DMTN: variants seen among roughly 807,000 people sequenced by gnomAD.
DMTN encodes dematin.
DMTN carries 27 observed loss-of-function variants against 59.4 expected under a neutral mutation model. That is an observed-to-expected ratio of 0.45 (90% CI 0.33 to 0.63). The LOEUF (loss-of-function observed/expected upper bound fraction) is 0.63. Among genes scored for constraint, DMTN ranks in the 20% least tolerant of loss-of-function variants. The pLI is 0.02. For missense variants in DMTN, 451 were observed against 528.9 expected (o/e 0.85, Z 1.45); for synonymous variants, 221 against 203.7 (o/e 1.08, Z -0.72).
chr8:22,067,704 A>G, intron 4 of DMTN, 22 bp downstream of exon 4: 1 of 1,610,408 alleles, frequency 6.2e-7, no homozygotes, highest in Admixed American at 1.7e-5. Context: ...CCTCTTGGGC[A>G]GGACTCCGGG....
chr8:22,081,319 C>A, intron 15 of DMTN, 31 bp from the exon 16 acceptor site: 1 of 1,606,610 alleles, frequency 6.2e-7, no homozygotes, highest in Non-Finnish European at 8.5e-7. Flanking sequence ...CCTCCCCCTC[C>A]ATGCTGAGCT....
chr8:22,078,934 C>CT (rs1389185635), intron 10 of DMTN, among the ~76,000 whole-genome samples: 1 of 150,150 alleles, frequency 6.7e-6, no homozygotes, highest in African/African-American at 2.4e-5. Flanking sequence ...GTAGCTGGGA[C>CT]TACAGGTGCC....
rs1189092174 is a variant in DMTN at position 22,081,869 on chromosome 8, T to C, written c.*406T>C. Reference sequence around the variant, plus strand: ...AGGCAGAAAGAGCTCCAGGCTCTTGTGTCGCCCACCCAGCCCTCCCATACT... The same window carrying C: ...AGGCAGAAAGAGCTCCAGGCTCTTGCGTCGCCCACCCAGCCCTCCCATACT... On this transcript the variant is annotated 3_prime_UTR_variant, in exon 16 of 16. Transcript: ENST00000358242. 2.4e-5 allele frequency: 11 copies of C among 462,386 alleles called. No homozygotes were observed. In the Middle Eastern group the frequency reaches 9.6e-4, roughly 40 times the overall value. 28.6% of individuals were successfully genotyped at this position (462,386 alleles called of 1,614,324 possible).
intron 7 of DMTN, 99 bp downstream of exon 7, chr8:22,070,036 C>T (rs1482894500): frequency 7.7e-6 from 12 of 1,562,196 alleles, no homozygotes; most frequent in Non-Finnish European, 1.1e-5. Context: ...GGGAGGATAG[C>T]ATGTCACAGC....
Position 22,060,783 on chromosome 8 carries a change from A to G in DMTN, c.-172+3647A>G, listed in dbSNP as rs1202754482. 6.6e-6 allele frequency among the ~76,000 whole-genome samples: 1 copy of G among 152,262 alleles called. No individual in the cohort carries two copies. The highest frequency in any genetic ancestry group is 1.5e-5 in the Non-Finnish European group (1 of 68,046). ...AGCAGAGGTGAGAGGCCAGAGGCTTAGTGACTCACACCAGCTTTGCCTGGG... is the reference window on the plus strand; with the variant it reads ...AGCAGAGGTGAGAGGCCAGAGGCTTGGTGACTCACACCAGCTTTGCCTGGG... On this transcript the variant is annotated intron_variant, in intron 1 of 15. Coordinates refer to ENST00000358242, the MANE Select transcript of DMTN (RefSeq NM_001387751.1). The surrounding 1 kb of genome is among the most constrained non-coding windows in gnomAD (Gnocchi z 5.0).
chr8:22,079,770 T>A (rs532025082), intron 10 of DMTN, among the ~76,000 whole-genome samples: 18 of 148,116 alleles, frequency 1.2e-4, no homozygotes, highest in East Asian at 1.2e-3. Context: ...AAAAAAAAAA[T>A]TTTTTTTTTT....
upstream of DMTN, among the ~76,000 whole-genome samples, chr8:22,050,977 C>A (rs1801294610): frequency 6.6e-6 from 1 of 152,196 alleles, no homozygotes; most frequent in Admixed American, 6.5e-5. Flanking sequence ...CTAATGATGG[C>A]ACTTCAGAGG....
intron 8 of DMTN, 53 bp downstream of exon 8, chr8:22,070,387 C>A (rs1814382304): frequency 6.5e-7 from 1 of 1,535,550 alleles, no homozygotes; most frequent in African/African-American, 1.4e-5. Context: ...CCTGCACTCC[C>A]TCCCCTTGGC....
chr8:22,071,260 C>A (rs112492786), intron 8 of DMTN, among the ~76,000 whole-genome samples: 1,743 of 152,060 alleles, frequency 0.011, 12 homozygotes, highest in Non-Finnish European at 0.013. Flanking sequence ...CCACACCTGG[C>A]TAATTTTTTG....
At chr8:22,072,802 A>G (rs1816760145) in intron 9 of DMTN, among the ~76,000 whole-genome samples, 3 of 152,048 alleles carry the variant, frequency 2.0e-5, no homozygotes, top group African/African-American at 4.8e-5. Context: ...TGGGGACAGA[A>G]GTTCTGGCTC....
chr8:22,081,123 A>G lies in DMTN; in HGVS notation c.1034A>G (p.Tyr345Cys), dbSNP rs1188259578. Residue 345 changes from tyrosine (Y) to cysteine (C), a missense_variant, in exon 15 of 16, where the codon TAT (tyrosine) becomes TGT (cysteine). Coordinates refer to ENST00000358242, the MANE Select transcript of DMTN (RefSeq NM_001387751.1). ...PCVLEQKIYP[Y>C]EMLVVTNKGR... ...TCCCCCCACCCCCAGATCTATCCCT[A>G]TGAAATGCTAGTGGTGACCAACAAG... The G allele has an allele frequency of 9.3e-7, 1 of 1,077,444 alleles. No individual in the cohort carries two copies. Among genetic ancestry groups the G allele is most frequent in the African/African-American group, 1.7e-5 (1 of 59,232 alleles). The allele number at this position is 1,077,444 out of a possible 1,614,324, so 66.7% of individuals were successfully genotyped here. A position where few individuals can be genotyped will look rare whatever the true frequency, so the allele number is the denominator to read the frequency against.
chr8:22,061,298 AAG>A (rs1462083999), intron 1 of DMTN, among the ~76,000 whole-genome samples: 34 of 142,162 alleles, frequency 2.4e-4, no homozygotes, highest in African/African-American at 9.2e-4. Context: ...AAAAAAAAAA[AAG>A]AAAGAAAGAA....
chr8:22,062,153 T>A (rs939110470), intron 1 of DMTN, among the ~76,000 whole-genome samples: 12 of 151,890 alleles, frequency 7.9e-5, no homozygotes, highest in Non-Finnish European at 1.6e-4. Context: ...AGCAGTGACA[T>A]GATCATAGCT....
chr8:22,069,798 C>T lies in DMTN; in HGVS notation c.395-83C>T. 2.0e-6 allele frequency: 3 copies of T among 1,503,844 alleles called. No individual in the cohort carries two copies. In the South Asian group the frequency reaches 3.4e-5, roughly 17 times the overall value. 93.2% of individuals were successfully genotyped at this position (1,503,844 alleles called of 1,614,324 possible). On this transcript the variant is annotated intron_variant, in intron 6 of 15. Transcript: ENST00000358242. ...GGGGCCAGTGAGTTCCCCACCTTGT[C>T]CCGTTCCATCATCTCCATTCTCCTG...
At chr8:22,061,616 C>T (rs200291213) in intron 1 of DMTN, among the ~76,000 whole-genome samples, 13 of 152,268 alleles carry the variant, frequency 8.5e-5, no homozygotes, top group East Asian at 5.8e-4. Flanking sequence ...AGGGCCTCCC[C>T]GAGGCTCCAG....
At chr8:22,052,030 A>G (rs548238470), upstream of DMTN, among the ~76,000 whole-genome samples, 14 of 152,166 alleles carry the variant, frequency 9.2e-5, no homozygotes, top group Non-Finnish European at 1.9e-4. Context: ...TCTCATTTGA[A>G]GGGTCCCCGC....
rs1281137919 is a variant in DMTN, at chr8:22,072,435, A to G, written c.714A>G (p.Arg238=). The G allele has an allele frequency of 1.3e-6, 2 of 1,568,710 alleles. No homozygotes were observed. The highest frequency in any genetic ancestry group is 1.7e-6 in the Non-Finnish European group (2 of 1,155,456). Residue 238 remains arginine, a synonymous_variant, in exon 9 of 16, where the codon AGA becomes AGG. Transcript: ENST00000358242. ...EEMKALRERQ[R]EELSKVTSNL... ...TGAAGGCTCTCAGGGAGCGTCAGAG[A>G]GAGGAACTCAGTAAGGTAGCATCTC... is the stretch of plus-strand genomic sequence containing the variant.
intron 10 of DMTN, among the ~76,000 whole-genome samples, chr8:22,076,582 A>G (rs1365529490): frequency 6.6e-6 from 1 of 151,874 alleles, no homozygotes; most frequent in African/African-American, 2.4e-5. Flanking sequence ...TTGTATATAT[A>G]TATGTATATA....
intron 10 of DMTN, among the ~76,000 whole-genome samples, chr8:22,074,963 C>T (rs1351676635): frequency 2.0e-5 from 3 of 151,802 alleles, no homozygotes; most frequent in East Asian, 1.9e-4. Flanking sequence ...CCGAGGCGGG[C>T]GGATCACAAG....
Sources: gnomAD v4.1 joint callset for allele counts (sites outside exome capture counted in the v4.1 genomes callset) on GRCh38, gnomAD v4.1.1 for gene constraint, Gnocchi (gnomAD v3.1) non-coding constraint, MANE v1.5 for transcripts, NCBI Gene and HGNC (gene_info 2026-07-23, HGNC 2026-07-21) for gene names.